The following NLRP11 variants were observed in gnomAD, a reference collection of about 807,000 sequenced individuals.
The protein encoded by NLRP11 is NACHT, LRR and PYD domains-containing protein 11.
A neutral mutation model predicts 79.3 loss-of-function variants in NLRP11; 53 were observed. That is an observed-to-expected ratio of 0.67 (90% confidence interval 0.54 to 0.84). The LOEUF (loss-of-function observed/expected upper bound fraction) is 0.84. Among genes scored for constraint, NLRP11 ranks in the 40% least tolerant of loss-of-function variants. The probability of loss-of-function intolerance (pLI) is 0.00; values close to 1 mark genes in which losing one functional copy is unlikely to be tolerated. For synonymous variants in NLRP11, 518 were observed against 462.6 expected (o/e 1.12, Z -1.54); for missense variants, 1,264 against 1,255.0 (o/e 1.01, Z -0.11).
At chr19:55,793,903 C>A (rs1978543609) in intron 6 of NLRP11, among the ~76,000 whole-genome samples, 1 of 152,136 alleles carries the variant, frequency 6.6e-6, no homozygotes, top group African/African-American at 2.4e-5. Context: ...CTCGTAGAAA[C>A]CAGCACTATC....
At position 55,809,616 on chromosome 19, in the gene NLRP11, G is replaced by A; in HGVS notation, c.994C>T (p.Leu332Phe). ...ATGGCGACTCGGCACAGACCCACGA[G>A]TATTTCATCCTCATGTACAAGCTGG... Residue 332 changes from leucine to phenylalanine, a missense_variant, in exon 3 of 10, where the codon CTC becomes TTC. Physicochemically the swap from Leu to Phe is conservative, Grantham distance 22. Transcript: ENST00000589093. The surrounding 1 kb of genome is among the most constrained non-coding windows in gnomAD (Gnocchi z 4.5). 6.2e-7 allele frequency: 1 copy of A among 1,614,186 alleles called. No individual in the cohort carries two copies. The highest frequency in any genetic ancestry group is 2.2e-5 in the East Asian group (1 of 44,880).
chr19:55,817,085 C>T (rs1413249730), intron 2 of NLRP11, among the ~76,000 whole-genome samples: 4 of 152,072 alleles, frequency 2.6e-5, no homozygotes, highest in Admixed American at 2.6e-4. Flanking sequence ...GAAAAAAATG[C>T]TCAACATCGC....
chr19:55,808,173 C>T (rs1255676132), intron 3 of NLRP11, among the ~76,000 whole-genome samples, 159 bp from the exon 4 acceptor site: 1 of 152,196 alleles, frequency 6.6e-6, no homozygotes, highest in Non-Finnish European at 1.5e-5. Flanking sequence ...GAATGAACAA[C>T]ACTCAGATCC....
chr19:55,785,898 G>A (rs368951328), intron 9 of NLRP11, 27 bp from the exon 10 acceptor site: 21 of 1,602,868 alleles, frequency 1.3e-5, no homozygotes, highest in South Asian at 6.7e-5. Flanking sequence ...AGAGAACGCC[G>A]TTAATGCTAC....
intron 2 of NLRP11, among the ~76,000 whole-genome samples, chr19:55,815,395 G>A (rs1308644885): frequency 2.0e-5 from 3 of 150,468 alleles, no homozygotes; most frequent in Non-Finnish European, 2.9e-5. Context: ...CGGGTGTGGT[G>A]GTGGGCACCC....
At chr19:55,823,094 G>T (rs1394932227) in intron 1 of NLRP11, among the ~76,000 whole-genome samples, 10 of 147,466 alleles carry the variant, frequency 6.8e-5, no homozygotes, top group Admixed American at 3.4e-4. Context: ...TCCTCAAGTG[G>T]GTCCCTGACC....
chr19:55,794,791 T>G, intron 6 of NLRP11, among the ~76,000 whole-genome samples: 1 of 151,926 alleles, frequency 6.6e-6, no homozygotes. Context: ...GCATACATAA[T>G]GCGATATTAC....
Position 55,804,108 on chromosome 19 carries a change from A to G in NLRP11, c.2004-2369T>C, listed in dbSNP as rs556383884. Among the ~76,000 whole-genome samples the G allele has an allele frequency of 4.7e-4, 71 of 151,978 alleles. 1 individual carries two copies. Among genetic ancestry groups the G allele is most frequent in the African/African-American group, 1.3e-3 (54 of 41,446 alleles). On this transcript the variant is annotated intron_variant, in intron 4 of 9. Transcript: ENST00000589093. The stretch of plus-strand genomic sequence containing the variant: ...AAAAACAAATTATGTATATATATAT[A>G]TGTGTGTGTGTGTATAAATAAAACA...
At chr19:55,786,990 C>T (rs1034528633) in intron 9 of NLRP11, among the ~76,000 whole-genome samples, 29 of 152,150 alleles carry the variant, frequency 1.9e-4, no homozygotes, top group Non-Finnish European at 2.5e-4. Flanking sequence ...GGGTCTCCAG[C>T]ATAGAGTCTG....
At chr19:55,796,377 C>G in intron 5 of NLRP11, 127 bp from the exon 6 acceptor site, 2 of 770,194 alleles carry the variant, frequency 2.6e-6, no homozygotes, top group Non-Finnish European at 4.0e-6. Context: ...TAAATAGATC[C>G]CTTTGCTTCT....
intron 5 of NLRP11, among the ~76,000 whole-genome samples, chr19:55,800,283 A>G (rs1304016187): frequency 6.6e-6 from 1 of 152,188 alleles, no homozygotes; most frequent in Non-Finnish European, 1.5e-5. Context: ...TAGTTTTACT[A>G]CATTTACATT....
intron 2 of NLRP11, among the ~76,000 whole-genome samples, chr19:55,811,424 G>A (rs996051947): frequency 1.3e-5 from 2 of 152,156 alleles, no homozygotes; most frequent in Admixed American, 6.6e-5. Context: ...AGGGAGCCTG[G>A]CAGCATGGAA....
rs774857998 is a variant in NLRP11, at chr19:55,809,389, C to CA, written c.1220dup (p.Ser408GlufsTer8). The CA allele has an allele frequency of 1.2e-6, 2 of 1,614,154 alleles. No homozygotes were observed. The highest frequency in any genetic ancestry group is 2.7e-5 in the African/African-American group (2 of 75,048). ...CTTCACCACTGAAATTCAGGGTGCT[C>CA]AGAAACAGTCCTCCTGCAGCCAGCA... On this transcript the variant is annotated frameshift_variant, in exon 3 of 10. Transcript: ENST00000589093. LOFTEE classifies it high-confidence loss of function. This position sits in a 1 kb window ranked among gnomAD's most constrained non-coding sequence, Gnocchi z 4.5.
rs754933896 is a variant in NLRP11, at chr19:55,809,689, T to C, written c.921A>G (p.Ile307Met). 1 of 1,614,030 alleles carries C rather than the reference T, an allele frequency of 6.2e-7. No homozygotes were observed. The highest frequency in any genetic ancestry group is 1.3e-5 in the African/African-American group (1 of 74,942). The change falls in exon 3 of 10, where the codon ATA (isoleucine) becomes ATG (methionine). Residue 307 changes from isoleucine (I) to methionine (M), a missense_variant. By Grantham distance (10) the Ile-to-Met change is conservative (BLOSUM62 1). Coordinates refer to ENST00000589093, the Ensembl canonical transcript of NLRP11. The surrounding 1 kb of genome is among the most constrained non-coding windows in gnomAD (Gnocchi z 4.5). ...GGTCTTTAAAGAAAGAGTTAAAATA[T>C]ATCTCCCTCTTCCCATTCGACAGCT...
intron 5 of NLRP11, chr19:55,798,152 A>G (rs1235008289): frequency 1.9e-5 from 3 of 159,728 alleles, no homozygotes; most frequent in African/African-American, 4.8e-5. Context: ...GGCATGCGCC[A>G]TCATACTTGG....
In NLRP11 at chr19:55,809,749, C is replaced by A; in HGVS notation, c.861G>T (p.Thr287=). Reference sequence around the variant, plus strand: ...TGCAGCAATCTACCTCTTTCAAGAACGTTTTTACATTATTCCCACGTGTGG... The same window carrying A: ...TGCAGCAATCTACCTCTTTCAAGAAAGTTTTTACATTATTCCCACGTGTGG... The change falls in exon 3 of 10, where the codon ACG becomes ACT. Residue 287 remains threonine (T), a synonymous_variant. Transcript: ENST00000589093. This position sits in a 1 kb window ranked among gnomAD's most constrained non-coding sequence, Gnocchi z 4.5. 1 of 1,614,188 alleles carries A rather than the reference C, an allele frequency of 6.2e-7. No homozygotes were observed. Among genetic ancestry groups the A allele is most frequent in the Non-Finnish European group, 8.5e-7 (1 of 1,180,024 alleles).
At chr19:55,805,143 C>T (rs970992364) in intron 4 of NLRP11, among the ~76,000 whole-genome samples, 32 of 152,096 alleles carry the variant, frequency 2.1e-4, no homozygotes, top group Non-Finnish European at 3.1e-4. Context: ...CCGGCCCTCA[C>T]CCCCAACCCC....
chr19:55,804,190 C>G (rs76582587), intron 4 of NLRP11, among the ~76,000 whole-genome samples: 1 of 152,008 alleles, frequency 6.6e-6, no homozygotes, highest in Non-Finnish European at 1.5e-5. Flanking sequence ...TCGACCATTG[C>G]GGAAAGCAGT....
intron 1 of NLRP11, among the ~76,000 whole-genome samples, chr19:55,823,638 C>G (rs1235261165): frequency 6.8e-6 from 1 of 147,366 alleles, no homozygotes; most frequent in Non-Finnish European, 1.5e-5. Flanking sequence ...GGAGCCGATA[C>G]GATCAACTGG....
Sources: allele counts gnomAD v4.1 joint callset (sites outside exome capture counted in the v4.1 genomes callset), GRCh38; gene constraint gnomAD v4.1.1; non-coding constraint Gnocchi (gnomAD v3.1); transcripts MANE v1.5; gene names NCBI Gene and HGNC (gene_info 2026-07-23, HGNC 2026-07-21).